KIAA1217: variants seen among roughly 807,000 people sequenced by gnomAD.
The protein encoded by KIAA1217 is sickle tail protein homolog.
Under a neutral mutation model 163.9 loss-of-function variants are expected in KIAA1217, and 88 were observed. That is an observed-to-expected ratio of 0.54 (90% CI 0.45 to 0.64). The LOEUF is 0.64. Ranked by LOEUF, KIAA1217 falls within the 30% of genes least tolerant of loss-of-function variation. KIAA1217 has a pLI of 0.00. For missense variants in KIAA1217, 2,372 were observed against 2,475.0 expected, an observed-to-expected ratio of 0.96 and a Z score of 0.88; for synonymous variants, 903 against 923.1, an observed-to-expected ratio of 0.98 and a Z score of 0.39.
chr10:24,358,289 G>A (rs1364968186), intron 2 of KIAA1217, among the ~76,000 whole-genome samples: 2 of 152,132 alleles, frequency 1.3e-5, no homozygotes, highest in East Asian at 1.9e-4. Flanking sequence ...TGGTCATCCC[G>A]ATGTCCATGG....
intron 1 of KIAA1217, among the ~76,000 whole-genome samples, chr10:23,854,970 T>C (rs1351058463): frequency 6.6e-6 from 1 of 152,250 alleles, no homozygotes; most frequent in Non-Finnish European, 1.5e-5. Context: ...CTTTGTCCAA[T>C]TTGCCAGTCT....
chr10:24,178,937 C>T (rs1324593769), intron 2 of KIAA1217, among the ~76,000 whole-genome samples: 1 of 152,064 alleles, frequency 6.6e-6, no homozygotes, highest in African/African-American at 2.4e-5. Context: ...AGTCAGATGT[C>T]ACTTTTGAGC....
intron 1 of KIAA1217, among the ~76,000 whole-genome samples, chr10:23,976,194 G>C (rs12249721): frequency 0.051 from 7,816 of 152,120 alleles, 657 homozygotes; most frequent in African/African-American, 0.18. Context: ...ATGAAGAATC[G>C]AGTTGCATCT....
intron 2 of KIAA1217, among the ~76,000 whole-genome samples, chr10:24,327,287 T>C (rs554170043): frequency 2.5e-4 from 38 of 152,334 alleles, no homozygotes; most frequent in African/African-American, 8.7e-4. Flanking sequence ...ATCACTATGA[T>C]ACCCAGCCCA....
At chr10:24,477,824 A>G (rs758207119) in intron 6 of KIAA1217, among the ~76,000 whole-genome samples, 4 of 152,200 alleles carry the variant, frequency 2.6e-5, no homozygotes, top group Non-Finnish European at 4.4e-5. Flanking sequence ...AGAAACAATT[A>G]CCGAAGCACA....
intron 2 of KIAA1217, among the ~76,000 whole-genome samples, chr10:24,159,994 T>C (rs931032109): frequency 1.3e-5 from 2 of 152,210 alleles, no homozygotes; most frequent in Non-Finnish European, 2.9e-5. Flanking sequence ...CTTTGTACCT[T>C]TGTCAAAAAT....
chr10:24,370,131 G>T (rs540449748), intron 2 of KIAA1217, among the ~76,000 whole-genome samples: 1 of 152,038 alleles, frequency 6.6e-6, no homozygotes, highest in Non-Finnish European at 1.5e-5. Flanking sequence ...CAGGCGTGAT[G>T]GCGGGCGCCT....
chr10:23,958,025 G>A (rs1266893425), intron 1 of KIAA1217, among the ~76,000 whole-genome samples: 1 of 152,122 alleles, frequency 6.6e-6, no homozygotes, highest in Non-Finnish European at 1.5e-5. Context: ...ATATTTGCAG[G>A]TAACCTCACA....
chr10:24,189,010 G>A (rs1242380585), intron 2 of KIAA1217, among the ~76,000 whole-genome samples: 1 of 151,596 alleles, frequency 6.6e-6, no homozygotes, highest in Non-Finnish European at 1.5e-5. Context: ...GGTAGCTGAG[G>A]CAGGAGAATG....
intron 2 of KIAA1217, among the ~76,000 whole-genome samples, chr10:24,169,731 A>G (rs973638209): frequency 2.0e-5 from 3 of 152,072 alleles, no homozygotes; most frequent in African/African-American, 7.2e-5. Flanking sequence ...CTTCCAAGGA[A>G]AAGGGTGCTT....
chr10:23,825,975 T>C (rs1195400311), intron 1 of KIAA1217, among the ~76,000 whole-genome samples: 1 of 152,194 alleles, frequency 6.6e-6, no homozygotes, highest in African/African-American at 2.4e-5. Flanking sequence ...CAGCCCAGTT[T>C]CTGGTACACA....
chr10:24,416,931 T>C (rs1258612862), intron 3 of KIAA1217, among the ~76,000 whole-genome samples: 1 of 152,102 alleles, frequency 6.6e-6, no homozygotes, highest in Non-Finnish European at 1.5e-5. Context: ...CTTCCCAGAC[T>C]CCTCCTCCAT....
intron 1 of KIAA1217, among the ~76,000 whole-genome samples, chr10:23,737,599 A>G (rs1838884138): frequency 6.6e-6 from 1 of 152,174 alleles, no homozygotes; most frequent in South Asian, 2.1e-4. Flanking sequence ...TCAGTTTAAT[A>G]TGGAATTTTA....
intron 1 of KIAA1217, among the ~76,000 whole-genome samples, chr10:23,790,713 ATGTATGTATG>A (rs1282847210): frequency 2.5e-5 from 3 of 119,842 alleles, no homozygotes; most frequent in African/African-American, 5.3e-5. Flanking sequence ...ACATATATAT[ATGTATGTATG>A]TATGTATGTA....
intron 2 of KIAA1217, among the ~76,000 whole-genome samples, chr10:24,056,549 C>T (rs2060539169): frequency 6.6e-6 from 1 of 152,022 alleles, no homozygotes. Context: ...GCCAAAAATG[C>T]TATTTAATTT....
chr10:24,321,770 G>T (rs1314504570), intron 2 of KIAA1217, among the ~76,000 whole-genome samples: 9 of 152,208 alleles, frequency 5.9e-5, no homozygotes, highest in South Asian at 2.1e-4. Context: ...GGAGAGGGGA[G>T]ATGGGGATTT....
intron 5 of KIAA1217, chr10:24,466,893 A>G: frequency 7.7e-6 from 5 of 648,904 alleles, no homozygotes; most frequent in Non-Finnish European, 9.6e-6. Context: ...GTATGTTTAC[A>G]AATTCTAGAC....
chr10:23,823,013 C>T (rs1216530222), intron 1 of KIAA1217, among the ~76,000 whole-genome samples: 1 of 152,166 alleles, frequency 6.6e-6, no homozygotes, highest in Non-Finnish European at 1.5e-5. Flanking sequence ...AGAATTTATG[C>T]TTGCATTCAT....
chr10:24,079,669 C>T (rs1318226912), intron 2 of KIAA1217, among the ~76,000 whole-genome samples: 1 of 152,064 alleles, frequency 6.6e-6, no homozygotes, highest in African/African-American at 2.4e-5. Flanking sequence ...TTTCTGTACC[C>T]AGAAAATGGT....
Sources: gnomAD v4.1 joint callset for allele counts (sites outside exome capture counted in the v4.1 genomes callset) on GRCh38, gnomAD v4.1.1 for gene constraint, MANE v1.5 for transcripts, NCBI Gene and HGNC (gene_info 2026-07-23, HGNC 2026-07-21) for gene names.